CNTNAP2: variants seen among roughly 807,000 people sequenced by gnomAD.
The protein encoded by CNTNAP2 is contactin associated protein 2, also known as contactin-associated protein-like 2.
Under a neutral mutation model 155.2 loss-of-function variants are expected in CNTNAP2, and 98 were observed. The observed-to-expected ratio is 0.63, with a 90% CI of 0.54 to 0.75. The LOEUF (loss-of-function observed/expected upper bound fraction) is 0.75. CNTNAP2 is among the 30% of genes least tolerant of loss of function. The pLI, the probability that CNTNAP2 is intolerant of heterozygous loss-of-function variation, is 0.00. For synonymous variants in CNTNAP2, 651 were observed against 631.2 expected (o/e 1.03, Z -0.47); for missense variants, 1,727 against 1,688.1 (o/e 1.02, Z -0.40).
rs187105871 is a variant in CNTNAP2 at position 146,948,908 on chromosome 7, G to A, written c.403-94999G>A. The stretch of plus-strand genomic sequence containing the variant: ...TGTAGCAATGCTGTATAGACTGGCA[G>A]GTAGACAGAGGAGCAATTTCAACAT... On this transcript the variant is annotated intron_variant, in intron 3 of 23. Coordinates refer to ENST00000361727, the MANE Select transcript of CNTNAP2 (RefSeq NM_014141.6). 2.8e-3 allele frequency among the ~76,000 whole-genome samples: 433 copies of A among 152,234 alleles called. 1 individual carries two copies. Among genetic ancestry groups the A allele is most frequent in the Non-Finnish European group, 4.9e-3 (332 of 68,014 alleles).
intron 1 of CNTNAP2, among the ~76,000 whole-genome samples, chr7:146,528,791 C>T (rs1364782923): frequency 6.6e-6 from 1 of 151,824 alleles, no homozygotes; most frequent in Non-Finnish European, 1.5e-5. Flanking sequence ...CATATGAGAA[C>T]TGGAGGGTGA....
chr7:147,070,727 T>C (rs560458491), intron 4 of CNTNAP2, among the ~76,000 whole-genome samples: 1 of 152,292 alleles, frequency 6.6e-6, no homozygotes, highest in Admixed American at 6.5e-5. Flanking sequence ...TTTATGTCCT[T>C]CTTAGAGTAC....
intron 14 of CNTNAP2, among the ~76,000 whole-genome samples, chr7:147,938,443 A>G (rs1049075021): frequency 1.3e-5 from 2 of 152,192 alleles, no homozygotes; most frequent in Admixed American, 1.3e-4. Flanking sequence ...GAAAAAAGGA[A>G]AATAAATGAT....
At chr7:147,863,725 CT>C (rs1799174577) in intron 13 of CNTNAP2, among the ~76,000 whole-genome samples, 1 of 151,452 alleles carries the variant, frequency 6.6e-6, no homozygotes, top group South Asian at 2.1e-4. Context: ...GCAGAAATAT[CT>C]TGTTTTGAGA....
intron 1 of CNTNAP2, among the ~76,000 whole-genome samples, chr7:146,161,932 A>G (rs1405521210): frequency 6.6e-6 from 1 of 152,194 alleles, no homozygotes; most frequent in African/African-American, 2.4e-5. Context: ...TATTTAATAA[A>G]TGGTGCTGGG....
intron 10 of CNTNAP2, among the ~76,000 whole-genome samples, chr7:147,437,904 T>C (rs1195538406): frequency 1.3e-5 from 2 of 152,020 alleles, no homozygotes; most frequent in African/African-American, 4.8e-5. Context: ...GATCTTTCAT[T>C]TCCTTAAGAT....
intron 1 of CNTNAP2, among the ~76,000 whole-genome samples, chr7:146,435,735 C>A (rs1256324982): frequency 1.3e-5 from 2 of 152,084 alleles, no homozygotes; most frequent in African/African-American, 2.4e-5. Context: ...ATATTTCAAC[C>A]CCCTTTATTT....
At chr7:147,358,471 A>G (rs1347492508) in intron 9 of CNTNAP2, among the ~76,000 whole-genome samples, 1 of 152,146 alleles carries the variant, frequency 6.6e-6, no homozygotes, top group Non-Finnish European at 1.5e-5. Flanking sequence ...TTATATGCTC[A>G]TTGAGTAAAC....
chr7:146,812,127 C>G (rs1803077451), intron 2 of CNTNAP2, among the ~76,000 whole-genome samples: 1 of 152,018 alleles, frequency 6.6e-6, no homozygotes, highest in African/African-American at 2.4e-5. Flanking sequence ...GGGTAACAGA[C>G]AGAGCTTGGA....
chr7:147,186,728 A>G (rs1802574538), intron 8 of CNTNAP2, among the ~76,000 whole-genome samples: 1 of 152,194 alleles, frequency 6.6e-6, no homozygotes, highest in East Asian at 1.9e-4. Context: ...CTGTCCACGT[A>G]GAGATGTGGA....
chr7:146,453,056 C>T (rs1796505795), intron 1 of CNTNAP2, among the ~76,000 whole-genome samples: 2 of 152,148 alleles, frequency 1.3e-5, no homozygotes, highest in African/African-American at 4.8e-5. Flanking sequence ...TGGGTTGAGG[C>T]AGAGCAGTCT....
chr7:147,507,881 G>A (rs868484860), intron 11 of CNTNAP2, among the ~76,000 whole-genome samples: 3 of 152,026 alleles, frequency 2.0e-5, no homozygotes, highest in Middle Eastern at 6.8e-3. Context: ...GTTTTTCTTT[G>A]TTTTCTGTAA....
intron 1 of CNTNAP2, among the ~76,000 whole-genome samples, chr7:146,542,173 A>G (rs1032209062): frequency 6.6e-6 from 1 of 151,862 alleles, no homozygotes; most frequent in Non-Finnish European, 1.5e-5. Context: ...TCTAAAAATC[A>G]GTTTTGATGG....
chr7:146,400,451 A>G (rs1033395014), intron 1 of CNTNAP2, among the ~76,000 whole-genome samples: 1 of 152,192 alleles, frequency 6.6e-6, no homozygotes, highest in Non-Finnish European at 1.5e-5. Flanking sequence ...ATCACATTCA[A>G]GTTGTTTTAG....
chr7:146,748,123 GTTTTCTTTTC>G (rs1198174429), intron 1 of CNTNAP2, among the ~76,000 whole-genome samples: 10 of 132,310 alleles, frequency 7.6e-5, no homozygotes, highest in Non-Finnish European at 1.4e-4. Flanking sequence ...TCTATGTGGT[GTTTTCTTTTC>G]TTTTCTTTTC....
At chr7:146,163,034 C>T (rs528499880) in intron 1 of CNTNAP2, among the ~76,000 whole-genome samples, 2 of 152,202 alleles carry the variant, frequency 1.3e-5, no homozygotes, top group Admixed American at 1.3e-4. Flanking sequence ...GGAGGGATAA[C>T]ATTGTGAGAT....
chr7:147,139,562 G>C (rs1801555034), intron 8 of CNTNAP2, among the ~76,000 whole-genome samples: 1 of 151,960 alleles, frequency 6.6e-6, no homozygotes, highest in African/African-American at 2.4e-5. Flanking sequence ...ACTTGACCAG[G>C]AAATTCAGAC....
chr7:148,335,009 C>A (rs1486211861), intron 21 of CNTNAP2, among the ~76,000 whole-genome samples: 1 of 152,214 alleles, frequency 6.6e-6, no homozygotes, highest in Non-Finnish European at 1.5e-5. Flanking sequence ...TGGAGCCAGG[C>A]GCCTGGTCTT....
intron 8 of CNTNAP2, among the ~76,000 whole-genome samples, chr7:147,267,743 A>C (rs1039577794): frequency 2.0e-5 from 3 of 152,128 alleles, no homozygotes; most frequent in Non-Finnish European, 4.4e-5. Flanking sequence ...TTTGTACTTA[A>C]TTTTCATAGT....
Sources: gnomAD v4.1 joint callset for allele counts (sites outside exome capture counted in the v4.1 genomes callset) on GRCh38, gnomAD v4.1.1 for gene constraint, MANE v1.5 for transcripts, NCBI Gene and HGNC (gene_info 2026-07-23, HGNC 2026-07-21) for gene names.